TP53BP2: variants seen among roughly 807,000 people sequenced by gnomAD.
TP53BP2 encodes the protein tumor protein p53 binding protein 2, also known as apoptosis-stimulating of p53 protein 2.
TP53BP2 carries 62 observed loss-of-function variants against 126.2 expected under a neutral mutation model. The observed-to-expected ratio is 0.49, with a 90% CI of 0.40 to 0.61. The LOEUF (loss-of-function observed/expected upper bound fraction) is 0.61. Among genes scored for constraint, TP53BP2 ranks in the 20% least tolerant of loss-of-function variants. TP53BP2 has a pLI of 0.00. For missense variants in TP53BP2, 1,215 were observed against 1,402.8 expected, an observed-to-expected ratio of 0.87 and a Z score of 2.14; for synonymous variants, 485 against 502.9, an observed-to-expected ratio of 0.96 and a Z score of 0.48.
intron 5 of TP53BP2, among the ~76,000 whole-genome samples, chr1:223,805,905 T>C (rs555856976): frequency 1.2e-4 from 18 of 152,334 alleles, no homozygotes; most frequent in African/African-American, 3.8e-4. Context: ...GCAGCAAAGT[T>C]TGCAAAGCCC....
chr1:223,812,809 G>A (rs762187698), intron 3 of TP53BP2, among the ~76,000 whole-genome samples: 5 of 151,976 alleles, frequency 3.3e-5, no homozygotes, highest in African/African-American at 4.8e-5. Flanking sequence ...TGATCCTCCC[G>A]CCTCGTCCTC....
In TP53BP2 at chr1:223,806,955, TA is replaced by T; in HGVS notation, c.373-9del. The T allele has an allele frequency of 6.3e-7, 1 of 1,599,320 alleles. No individual in the cohort carries two copies. Among genetic ancestry groups the T allele is most frequent in the Non-Finnish European group, 8.6e-7 (1 of 1,168,470 alleles). On this transcript the variant is annotated splice_polypyrimidine_tract_variant and intron_variant, in intron 4 of 17. Transcript: ENST00000343537. ...CATCCTAGGACTATTAACCTACAAGTAAAAACACAAATAAACACAATCCCAG... is the reference window on the plus strand; with the variant it reads ...CATCCTAGGACTATTAACCTACAAGTAAAACACAAATAAACACAATCCCAG...
intron 1 of TP53BP2, among the ~76,000 whole-genome samples, chr1:223,834,423 C>T (rs1029429448): frequency 1.3e-5 from 2 of 152,090 alleles, no homozygotes; most frequent in African/African-American, 4.8e-5. Flanking sequence ...GAGTAATTTG[C>T]TGCAAATAAT....
intron 17 of TP53BP2, among the ~76,000 whole-genome samples, chr1:223,783,703 T>C (rs1343980643): frequency 6.6e-6 from 1 of 152,236 alleles, no homozygotes; most frequent in African/African-American, 2.4e-5. Context: ...GCTGGCATGA[T>C]ATTATTTTCT....
chr1:223,812,510 G>A (rs534261434), intron 3 of TP53BP2, among the ~76,000 whole-genome samples: 11 of 152,204 alleles, frequency 7.2e-5, no homozygotes, highest in African/African-American at 2.4e-4. Context: ...AGCCTCCCAA[G>A]TAGCTGGGAT....
chr1:223,832,019 A>G (rs1387192861), intron 1 of TP53BP2, among the ~76,000 whole-genome samples: 1 of 152,186 alleles, frequency 6.6e-6, no homozygotes, highest in Non-Finnish European at 1.5e-5. Context: ...TTTCAGATCA[A>G]AATCTGAAAG....
intron 1 of TP53BP2, among the ~76,000 whole-genome samples, chr1:223,834,072 T>C (rs1227783236): frequency 6.6e-6 from 1 of 152,106 alleles, no homozygotes; most frequent in Non-Finnish European, 1.5e-5. Flanking sequence ...ACTTGGACTA[T>C]TCCATGACCA....
intron 13 of TP53BP2, among the ~76,000 whole-genome samples, chr1:223,794,143 A>T (rs944706925): frequency 5.9e-5 from 9 of 152,156 alleles, no homozygotes; most frequent in African/African-American, 1.9e-4. Flanking sequence ...TTAAACTTTT[A>T]ATGAATCGGA....
intron 10 of TP53BP2, 141 bp downstream of exon 10, chr1:223,800,559 G>T: frequency 1.7e-6 from 1 of 594,786 alleles, no homozygotes; most frequent in Non-Finnish European, 2.8e-6. Flanking sequence ...ACTCCAGCCT[G>T]GATGACAAGA....
intron 17 of TP53BP2, among the ~76,000 whole-genome samples, chr1:223,782,852 C>G (rs1429391490): frequency 6.6e-6 from 1 of 152,108 alleles, no homozygotes; most frequent in Non-Finnish European, 1.5e-5. Context: ...TGAATACTGT[C>G]TAATCATCTA....
At chr1:223,785,499 G>C (rs1661922543) in intron 16 of TP53BP2, among the ~76,000 whole-genome samples, 1 of 152,224 alleles carries the variant, frequency 6.6e-6, no homozygotes, top group Non-Finnish European at 1.5e-5. Flanking sequence ...TCTGAGATGG[G>C]AATGAAGAAA....
At chr1:223,827,413 G>A (rs560564917) in intron 1 of TP53BP2, among the ~76,000 whole-genome samples, 15 of 152,262 alleles carry the variant, frequency 9.9e-5, no homozygotes, top group African/African-American at 3.4e-4. Context: ...AATCAGATTT[G>A]GCAAGATGGA....
chr1:223,845,585 G>A, intron 1 of TP53BP2, 69 bp downstream of exon 1: 4 of 1,472,786 alleles, frequency 2.7e-6, no homozygotes, highest in Non-Finnish European at 3.6e-6. Flanking sequence ...GCCCGAGGGC[G>A]CGGACCAGCC....
chr1:223,827,762 A>G (rs559582694), intron 1 of TP53BP2, among the ~76,000 whole-genome samples: 1 of 152,194 alleles, frequency 6.6e-6, no homozygotes, highest in African/African-American at 2.4e-5. Flanking sequence ...AATATGTATC[A>G]ATTCCCTTTT....
chr1:223,840,254 G>C (rs1391359318), intron 1 of TP53BP2, among the ~76,000 whole-genome samples: 1 of 152,160 alleles, frequency 6.6e-6, no homozygotes, highest in Non-Finnish European at 1.5e-5. Flanking sequence ...GCCCCAATAA[G>C]ACATAGAATT....
In TP53BP2 at chr1:223,804,226, C is replaced by G; in HGVS notation, c.597G>C (p.Val199=). 1 of 1,614,138 alleles carries G rather than the reference C, an allele frequency of 6.2e-7. No individual in the cohort carries two copies. The highest frequency in any genetic ancestry group is 1.7e-5 in the Admixed American group (1 of 60,010). ...GTTCCACGTGGCCTTTAAGTGCTCTCACTTTTTTTAGCTTAGCTTCCTGAT... is the reference window on the plus strand; with the variant it reads ...GTTCCACGTGGCCTTTAAGTGCTCTGACTTTTTTTAGCTTAGCTTCCTGAT... ...AENQEAKLKK[V]RALKGHVEQK... Residue 199 remains valine, a synonymous_variant, in exon 6 of 18, where the codon GTG becomes GTC. Coordinates refer to ENST00000343537, the MANE Select transcript of TP53BP2 (RefSeq NM_001031685.3).
intron 3 of TP53BP2, among the ~76,000 whole-genome samples, chr1:223,810,848 C>T (rs1003529504): frequency 6.6e-6 from 1 of 152,144 alleles, no homozygotes; most frequent in African/African-American, 2.4e-5. Context: ...CTTATAGTTG[C>T]TCTTCCTAGT....
At chr1:223,813,136 G>A (rs1157530555) in intron 3 of TP53BP2, among the ~76,000 whole-genome samples, 1 of 151,920 alleles carries the variant, frequency 6.6e-6, no homozygotes. Flanking sequence ...TCCCCCTACA[G>A]TCATCTATAA....
intron 9 of TP53BP2, chr1:223,801,906 T>A (rs1662538399): frequency 4.9e-6 from 2 of 410,660 alleles, no homozygotes; most frequent in Non-Finnish European, 8.6e-6. Flanking sequence ...TGAATAGAAT[T>A]GTATTATTTA....
Sources: allele counts gnomAD v4.1 joint callset (sites outside exome capture counted in the v4.1 genomes callset), GRCh38; gene constraint gnomAD v4.1.1; transcripts MANE v1.5; gene names NCBI Gene and HGNC (gene_info 2026-07-23, HGNC 2026-07-21).